Variants in IKZF5 observed in about 807,000 individuals in gnomAD.
IKZF5 encodes the protein IKAROS family zinc finger 5.
A neutral mutation model predicts 30.7 loss-of-function variants in IKZF5; 4 were observed. That is an observed-to-expected ratio of 0.13 (90% CI 0.06 to 0.30). IKZF5 has a LOEUF of 0.30. IKZF5 is among the 10% of genes least tolerant of loss of function. The pLI is 1.00. For synonymous variants in IKZF5, 148 were observed against 179.6 expected, an observed-to-expected ratio of 0.82 and a Z score of 1.41; for missense variants, 348 against 525.5, an observed-to-expected ratio of 0.66 and a Z score of 3.30.
Position 122,991,662 on chromosome 10 carries a change from T to TTC in IKZF5, c.*2117_*2118insGA. 1 of 152,186 alleles carries TTC rather than the reference T, an allele frequency of 6.6e-6. No individual in the cohort carries two copies. The highest frequency in any genetic ancestry group is 2.4e-5 in the African/African-American group (1 of 41,450). 9.4% of individuals were successfully genotyped at this position (152,186 alleles called of 1,614,324 possible). ...GATTTGCCTCAAACATTTTAGTGCA[T>TTC]TTAGAATAACTGTAGCTTCTTAGCA... On this transcript the variant is annotated 3_prime_UTR_variant, in exon 5 of 5. Coordinates refer to ENST00000368886, the MANE Select transcript of IKZF5 (RefSeq NM_001372123.1).
rs562293547 is a variant in IKZF5, at chr10:122,993,356, G to A, written c.*424C>T. ...TAAGGCAATTTCTGTACTAAACACT[G>A]AAATGAGTAGTAATAAATTCTGTAA... On this transcript the variant is annotated 3_prime_UTR_variant, in exon 5 of 5. Coordinates refer to ENST00000368886, the MANE Select transcript of IKZF5 (RefSeq NM_001372123.1). The A allele has an allele frequency of 3.9e-5, 6 of 153,576 alleles. No homozygotes were observed. The highest frequency in any genetic ancestry group is 1.4e-4 in the African/African-American group (6 of 41,586). The allele number at this position is 153,576 out of a possible 1,614,324, so 9.5% of individuals were successfully genotyped here.
chr10:122,995,487 G>C (rs536292462), intron 4 of IKZF5, among the ~76,000 whole-genome samples: 35 of 152,280 alleles, frequency 2.3e-4, no homozygotes, highest in African/African-American at 8.4e-4. Flanking sequence ...TGTGATGAAT[G>C]AGCACAGGAT....
chr10:122,997,115 G>A (rs531904075), intron 3 of IKZF5: 19 of 152,266 alleles, frequency 1.2e-4, no homozygotes, highest in African/African-American at 2.4e-4. Context: ...CTACTTTTTT[G>A]TAGAAAGAAA....
At position 122,998,636 on chromosome 10, in the gene IKZF5, T is replaced by C. The variant is rs765178014; in HGVS notation, c.-11A>G. 1 of 1,611,492 alleles carries C rather than the reference T, an allele frequency of 6.2e-7. No homozygotes were observed. Among genetic ancestry groups the C allele is most frequent in the Non-Finnish European group, 8.5e-7 (1 of 1,179,116 alleles). On this transcript the variant is annotated 5_prime_UTR_variant, in exon 3 of 5. Transcript: ENST00000368886. ...TTTTTTTTCACCCATCTTTGCTTTT[T>C]TAACATTTACAGTTTGTTAGACCTA... is the stretch of plus-strand genomic sequence containing the variant.
chr10:122,999,873 T>TA (rs1849519850), intron 2 of IKZF5, among the ~76,000 whole-genome samples: 1 of 152,184 alleles, frequency 6.6e-6, no homozygotes, highest in Non-Finnish European at 1.5e-5. Flanking sequence ...GCACCTGGGA[T>TA]AAAAAAGGTC....
intron 3 of IKZF5, chr10:122,997,387 C>G (rs554552882): frequency 6.6e-6 from 1 of 152,280 alleles, no homozygotes; most frequent in Admixed American, 6.5e-5. Flanking sequence ...AAGAGGGCTA[C>G]ACTGCATTCG....
At position 122,993,549 on chromosome 10, in the gene IKZF5, G is replaced by C. The variant is rs1296319692; in HGVS notation, c.*231C>G. The C allele has an allele frequency of 5.9e-6, 2 of 337,326 alleles. No individual in the cohort carries two copies. The highest frequency in any genetic ancestry group is 1.1e-5 in the Non-Finnish European group (2 of 187,336). The allele number at this position is 337,326 out of a possible 1,614,324, so 20.9% of individuals were successfully genotyped here. A position where few individuals can be genotyped will look rare whatever the true frequency, so the allele number is the denominator to read the frequency against. ...CACTCCAATTCTCCAATGTCGAAAGGAAAGGAAAAAAGAGACACCAATGTG... is the reference window on the plus strand; with the variant it reads ...CACTCCAATTCTCCAATGTCGAAAGCAAAGGAAAAAAGAGACACCAATGTG... On this transcript the variant is annotated 3_prime_UTR_variant, in exon 5 of 5. Transcript: ENST00000368886.
Position 122,993,756 on chromosome 10 carries a change from T to G in IKZF5, c.*24A>C. 6.6e-7 allele frequency: 1 copy of G among 1,515,932 alleles called. No individual in the cohort carries two copies. Among genetic ancestry groups the G allele is most frequent in the Non-Finnish European group, 8.9e-7 (1 of 1,121,998 alleles). The allele number at this position is 1,515,932 out of a possible 1,614,324, so 93.9% of individuals were successfully genotyped here. A position where few individuals can be genotyped will look rare whatever the true frequency, so the allele number is the denominator to read the frequency against. On this transcript the variant is annotated 3_prime_UTR_variant, in exon 5 of 5. Transcript: ENST00000368886. ...AACCAAACCACAAAAACAGCAAAACTAAGTAAAATATGACTATTTTCAATC... is the reference window on the plus strand; with the variant it reads ...AACCAAACCACAAAAACAGCAAAACGAAGTAAAATATGACTATTTTCAATC...
At chr10:122,995,088 C>T (rs1281843386) in intron 4 of IKZF5, among the ~76,000 whole-genome samples, 2 of 152,008 alleles carry the variant, frequency 1.3e-5, no homozygotes, top group South Asian at 2.1e-4. Context: ...TTCATGTATA[C>T]ATTTATATAC....
chr10:122,998,311 T>C (rs933463987), intron 3 of IKZF5, 182 bp downstream of exon 3: 1 of 496,060 alleles, frequency 2.0e-6, no homozygotes. Flanking sequence ...CTCCAGACCA[T>C]GTTAAGTACT....
At chr10:122,998,693 T>G in intron 2 of IKZF5, 22 bp from the exon 3 acceptor site, 1 of 1,365,880 alleles carries the variant, frequency 7.3e-7, no homozygotes, top group South Asian at 1.2e-5. Context: ...TTACACTATT[T>G]AGGGAGATCT....
Position 122,990,922 on chromosome 10 carries a change from T to C in IKZF5, c.*2858A>G, listed in dbSNP as rs947500056. ...TGCTTTCCGGAATCCCTAAACAATA[T>C]AGTGTATTGTACAACCATAATGCAA... is the stretch of plus-strand genomic sequence containing the variant. On this transcript the variant is annotated 3_prime_UTR_variant, in exon 5 of 5. Transcript: ENST00000368886. The C allele has an allele frequency of 6.6e-6, 1 of 150,800 alleles. No individual in the cohort carries two copies. Among genetic ancestry groups the C allele is most frequent in the Non-Finnish European group, 1.5e-5 (1 of 67,790 alleles). 9.3% of individuals were successfully genotyped at this position (150,800 alleles called of 1,614,324 possible).
At position 123,007,006 on chromosome 10, in the gene IKZF5, G is replaced by A. The variant is rs977893028; in HGVS notation, c.-47+20C>T. On this transcript the variant is annotated intron_variant, in intron 2 of 4. Coordinates refer to ENST00000368886, the MANE Select transcript of IKZF5 (RefSeq NM_001372123.1). Reference sequence around the variant, plus strand: ...AAACCATGTTGAAAGAAATCCAGAAGAGAAATTATACAATCTAACCTTTTC... The same window carrying A: ...AAACCATGTTGAAAGAAATCCAGAAAAGAAATTATACAATCTAACCTTTTC... 2 of 152,184 alleles carry A rather than the reference G, an allele frequency of 1.3e-5. No individual in the cohort carries two copies. The highest frequency in any genetic ancestry group is 2.9e-5 in the Non-Finnish European group (2 of 68,020). 9.4% of individuals were successfully genotyped at this position (152,184 alleles called of 1,614,324 possible).
chr10:123,008,472 G>A (rs936479599), intron 1 of IKZF5: 5 of 161,174 alleles, frequency 3.1e-5, no homozygotes, highest in Non-Finnish European at 6.9e-5. Context: ...CGCTCCCTCG[G>A]GGTTCTCGCG....
At chr10:122,995,913 T>C in intron 4 of IKZF5, 81 bp downstream of exon 4, 1 of 1,310,428 alleles carries the variant, frequency 7.6e-7, no homozygotes, top group Non-Finnish European at 1.1e-6. Context: ...ATTAAAACTA[T>C]TTCTATGACA....
chr10:122,998,362 A>G lies in IKZF5; in HGVS notation c.133+131T>C, dbSNP rs891433523. On this transcript the variant is annotated intron_variant, in intron 3 of 4. Transcript: ENST00000368886. Reference sequence around the variant, plus strand: ...GATATGTTTAAAAAAGGGGGAAAAAATGCCCTGTATCTTTCTAGAAAAAAC... The same window carrying G: ...GATATGTTTAAAAAAGGGGGAAAAAGTGCCCTGTATCTTTCTAGAAAAAAC... 4 of 709,136 alleles carry G rather than the reference A, an allele frequency of 5.6e-6. No individual in the cohort carries two copies. The African/African-American group carries it at 7.2e-5, about 13-fold the overall frequency. The allele number at this position is 709,136 out of a possible 1,614,324, so 43.9% of individuals were successfully genotyped here.
chr10:123,005,270 A>G (rs1177456145), intron 2 of IKZF5, among the ~76,000 whole-genome samples: 1 of 152,256 alleles, frequency 6.6e-6, no homozygotes, highest in Non-Finnish European at 1.5e-5. Context: ...TAGGAACTCC[A>G]CAAATTAACT....
intron 2 of IKZF5, among the ~76,000 whole-genome samples, chr10:123,001,765 G>A (rs1285513953): frequency 6.6e-6 from 1 of 152,042 alleles, no homozygotes; most frequent in Non-Finnish European, 1.5e-5. Flanking sequence ...CCCCTGCTTT[G>A]TTTTTCTTCT....
At position 122,993,746 on chromosome 10, in the gene IKZF5, A is replaced by G. The variant is rs1328745765; in HGVS notation, c.*34T>C. 2 of 1,483,344 alleles carry G rather than the reference A, an allele frequency of 1.3e-6. No homozygotes were observed. The highest frequency in any genetic ancestry group is 1.8e-6 in the Non-Finnish European group (2 of 1,097,844). The allele number at this position is 1,483,344 out of a possible 1,614,324, so 91.9% of individuals were successfully genotyped here. On this transcript the variant is annotated 3_prime_UTR_variant, in exon 5 of 5. Transcript: ENST00000368886. ...AAACAAAAAAAACCAAACCACAAAA[A>G]CAGCAAAACTAAGTAAAATATGACT...
Sources: gnomAD v4.1 joint callset for allele counts (sites outside exome capture counted in the v4.1 genomes callset) on GRCh38, gnomAD v4.1.1 for gene constraint, MANE v1.5 for transcripts, NCBI Gene and HGNC (gene_info 2026-07-23, HGNC 2026-07-21) for gene names.